Variants in ZNG1B observed in about 807,000 individuals in gnomAD.
ZNG1B encodes the protein zinc-regulated GTPase metalloprotein activator 1B.
the ZNG1B span, among the ~76,000 whole-genome samples, chr2:113,489,415 G>T: frequency 1.3e-5 from 2 of 152,060 alleles, no homozygotes; most frequent in East Asian, 3.9e-4. Context: ...AAATATCACA[G>T]GACCTATAAA....
At chr2:113,439,411 G>C in the ZNG1B span, among the ~76,000 whole-genome samples, 6 of 151,634 alleles carry the variant, frequency 4.0e-5, no homozygotes, top group Non-Finnish European at 8.8e-5. Context: ...CTGAAACTTC[G>C]TCTGTTACCA....
At chr2:113,453,033 T>G in the ZNG1B span, 43 of 1,455,896 alleles carry the variant, frequency 3.0e-5, no homozygotes, top group Non-Finnish European at 3.8e-5. Flanking sequence ...TAAGAAGATA[T>G]ATGTGTTTAC....
At chr2:113,467,145 A>G in the ZNG1B span, among the ~76,000 whole-genome samples, 1 of 150,924 alleles carries the variant, frequency 6.6e-6, no homozygotes, top group African/African-American at 2.4e-5. Flanking sequence ...GTTTTGTTTT[A>G]TTTTTTGTTT....
At chr2:113,486,262 T>A in the ZNG1B span, among the ~76,000 whole-genome samples, 4 of 127,842 alleles carry the variant, frequency 3.1e-5, no homozygotes, top group Admixed American at 3.4e-4. Context: ...AATTACAGAT[T>A]TTTTTCAGGG....
At chr2:113,468,881 T>C in the ZNG1B span, 7 of 151,886 alleles carry the variant, frequency 4.6e-5, no homozygotes, top group African/African-American at 1.5e-4. Context: ...TAATTTGTTG[T>C]ACAGGTCTAA....
At chr2:113,494,530 G>C in the ZNG1B span, 2 of 700,900 alleles carry the variant, frequency 2.9e-6, no homozygotes, top group Non-Finnish European at 3.4e-6. Flanking sequence ...CAAAGTTTTT[G>C]GTAAATTAAG....
chr2:113,456,576 C>A, the ZNG1B span, among the ~76,000 whole-genome samples: 2 of 151,850 alleles, frequency 1.3e-5, no homozygotes, highest in African/African-American at 4.8e-5. Context: ...TAAATAGAAT[C>A]TATTATCAGC....
At chr2:113,469,857 T>A in the ZNG1B span, 5 of 150,484 alleles carry the variant, frequency 3.3e-5, no homozygotes, top group African/African-American at 9.8e-5. Flanking sequence ...ATGATGTTTT[T>A]TTTCCTTGTA....
the ZNG1B span, chr2:113,469,987 T>G: frequency 7.2e-6 from 1 of 139,520 alleles, no homozygotes; most frequent in South Asian, 2.3e-4. Flanking sequence ...TGTCCTCTGC[T>G]GTTCTTTTTT....
At chr2:113,472,353 T>G in the ZNG1B span, among the ~76,000 whole-genome samples, 2 of 152,030 alleles carry the variant, frequency 1.3e-5, no homozygotes, top group East Asian at 1.9e-4. Flanking sequence ...TCTTGTAAAT[T>G]TGTTTGAGTT....
At chr2:113,459,739 G>T in the ZNG1B span, among the ~76,000 whole-genome samples, 1 of 150,840 alleles carries the variant, frequency 6.6e-6, no homozygotes, top group Non-Finnish European at 1.5e-5. Context: ...TTCAAATAGA[G>T]AGTATTACTA....
the ZNG1B span, among the ~76,000 whole-genome samples, chr2:113,443,497 G>A: frequency 6.6e-6 from 1 of 150,550 alleles, no homozygotes; most frequent in African/African-American, 2.5e-5. Flanking sequence ...TTAAGAAATG[G>A]GGGTGGCCAA....
chr2:113,486,881 AT>A, the ZNG1B span, among the ~76,000 whole-genome samples: 21 of 151,066 alleles, frequency 1.4e-4, no homozygotes, highest in East Asian at 7.7e-4. Context: ...GACTAAATTT[AT>A]TTTTTTTTAA....
chr2:113,450,268 C>T, the ZNG1B span, among the ~76,000 whole-genome samples: 5 of 140,558 alleles, frequency 3.6e-5, no homozygotes, highest in South Asian at 2.3e-4. Flanking sequence ...TACTTCATGA[C>T]GCCAGTTTTT....
At chr2:113,476,679 T>C in the ZNG1B span, among the ~76,000 whole-genome samples, 5 of 150,848 alleles carry the variant, frequency 3.3e-5, no homozygotes, top group Non-Finnish European at 5.9e-5. Flanking sequence ...ATGATGGTGA[T>C]GTACAGATCG....
At chr2:113,460,924 A>G in the ZNG1B span, among the ~76,000 whole-genome samples, 22 of 151,270 alleles carry the variant, frequency 1.5e-4, no homozygotes, top group Admixed American at 3.9e-4. Context: ...GTCGTAGCAT[A>G]AAGTGAATGC....
the ZNG1B span, among the ~76,000 whole-genome samples, chr2:113,481,173 A>T: frequency 1.4e-5 from 2 of 139,364 alleles, no homozygotes; most frequent in African/African-American, 2.6e-5. Flanking sequence ...GGAAAAGCAT[A>T]TGATTTTTCG....
At chr2:113,474,712 G>T in the ZNG1B span, among the ~76,000 whole-genome samples, 1 of 151,190 alleles carries the variant, frequency 6.6e-6, no homozygotes, top group Admixed American at 6.6e-5. Flanking sequence ...TGGTTTCAAA[G>T]AACATCTTTA....
the ZNG1B span, among the ~76,000 whole-genome samples, chr2:113,439,996 T>C: frequency 6.9e-6 from 1 of 144,020 alleles, no homozygotes; most frequent in South Asian, 2.3e-4. Context: ...GCCATTCTCC[T>C]GCCTCAGCCT....
Sources: allele counts gnomAD v4.1 joint callset (sites outside exome capture counted in the v4.1 genomes callset), GRCh38; gene constraint gnomAD v4.1.1; transcripts MANE v1.5; gene names NCBI Gene and HGNC (gene_info 2026-07-23, HGNC 2026-07-21).